Variants in TRDN observed in about 807,000 individuals in gnomAD.
TRDN encodes the protein triadin in skeletal muscle.
A neutral mutation model predicts 149.7 loss-of-function variants in TRDN; 161 were observed. The observed-to-expected ratio is 1.08, with a 90% CI of 0.95 to 1.23. TRDN has a LOEUF of 1.23. TRDN is among the 50% of genes most tolerant of loss of function. TRDN has a pLI of 0.00. For missense variants in TRDN, 896 were observed against 823.5 expected, an observed-to-expected ratio of 1.09 and a Z score of -1.08; for synonymous variants, 294 against 250.5, an observed-to-expected ratio of 1.17 and a Z score of -1.64.
At chr6:123,520,737 G>T (rs1315036683) in intron 5 of TRDN, among the ~76,000 whole-genome samples, 1 of 152,040 alleles carries the variant, frequency 6.6e-6, no homozygotes, top group Non-Finnish European at 1.5e-5. Context: ...TTCTCCTGGG[G>T]CTACATAGCC....
intron 9 of TRDN, among the ~76,000 whole-genome samples, chr6:123,480,249 CAAA>C (rs34445508): frequency 1.0e-5 from 1 of 98,414 alleles, no homozygotes. Context: ...ACTCCGTTTC[CAAA>C]AAAAAAAAAA....
intron 19 of TRDN, among the ~76,000 whole-genome samples, chr6:123,368,151 C>T (rs1781185239): frequency 6.6e-6 from 1 of 152,182 alleles, no homozygotes; most frequent in South Asian, 2.1e-4. Flanking sequence ...TTTCCATCCT[C>T]CACATACCAA....
At position 123,286,634 on chromosome 6, in the gene TRDN, C is replaced by A. The variant is rs191117629; in HGVS notation, c.1511-7552G>T. On this transcript the variant is annotated intron_variant, in intron 24 of 40. Coordinates refer to ENST00000334268, the MANE Select transcript of TRDN (RefSeq NM_006073.4). ...TCACAAATCACAACTGAAGAACTTA[C>A]TCATGTAACCAAATACCACCCGTTC... 5.8e-4 allele frequency among the ~76,000 whole-genome samples: 88 copies of A among 152,042 alleles called. 1 individual carries two copies. Among genetic ancestry groups the A allele is most frequent in the African/African-American group, 2.1e-3 (86 of 41,492 alleles).
chr6:123,575,929 C>T (rs1413678245), intron 1 of TRDN, among the ~76,000 whole-genome samples: 2 of 152,136 alleles, frequency 1.3e-5, no homozygotes, highest in Non-Finnish European at 2.9e-5. Context: ...AAGACACCTA[C>T]ATTCTAGAAT....
intron 18 of TRDN, 31 bp from the exon 19 acceptor site, chr6:123,375,662 A>C: frequency 6.7e-7 from 1 of 1,486,780 alleles, no homozygotes; most frequent in Non-Finnish European, 9.1e-7. Context: ...TAAGGTCAAC[A>C]GTAATTACAA....
intron 1 of TRDN, among the ~76,000 whole-genome samples, chr6:123,625,020 C>T (rs1333768411): frequency 6.6e-6 from 1 of 151,566 alleles, no homozygotes; most frequent in African/African-American, 2.4e-5. Context: ...CCAGTCATCC[C>T]AGGGCTACAT....
intron 10 of TRDN, among the ~76,000 whole-genome samples, chr6:123,444,093 C>T (rs1165188644): frequency 2.7e-5 from 4 of 147,548 alleles, no homozygotes; most frequent in African/African-American, 1.1e-4. Context: ...GGCATTGAAT[C>T]TGTAAATTAC....
intron 1 of TRDN, among the ~76,000 whole-genome samples, chr6:123,599,666 C>T (rs1469604671): frequency 6.6e-6 from 1 of 151,794 alleles, no homozygotes; most frequent in African/African-American, 2.4e-5. Context: ...AAATGTATTT[C>T]CCCATTTTGA....
intron 9 of TRDN, among the ~76,000 whole-genome samples, chr6:123,490,499 G>A (rs960745987): frequency 1.3e-5 from 2 of 152,142 alleles, no homozygotes; most frequent in East Asian, 3.9e-4. Context: ...TCAGACTGTG[G>A]TTGACTGTGG....
intron 10 of TRDN, chr6:123,441,999 A>G (rs939240116): frequency 3.6e-4 from 55 of 152,204 alleles, no homozygotes; most frequent in African/African-American, 1.3e-3. Flanking sequence ...TTGTTTTCTT[A>G]GAGTGGCAGA....
intron 24 of TRDN, among the ~76,000 whole-genome samples, chr6:123,306,764 G>C (rs1201991333): frequency 1.3e-5 from 2 of 151,944 alleles, no homozygotes; most frequent in African/African-American, 4.8e-5. Context: ...AGACCACCCA[G>C]TCTGCAGGTA....
chr6:123,450,430 TA>T (rs1775700742), intron 10 of TRDN, among the ~76,000 whole-genome samples: 1 of 151,988 alleles, frequency 6.6e-6, no homozygotes, highest in African/African-American at 2.4e-5. Flanking sequence ...CAAGCAGAGG[TA>T]GCTATTCTTA....
At position 123,571,490 on chromosome 6, in the gene TRDN, TTTTGTTTG is replaced by T. The variant is rs71767467; in HGVS notation, c.23-366_23-359del. On this transcript the variant is annotated intron_variant, in intron 1 of 40. Transcript: ENST00000334268. ...AGGTCATCTAATGAGGTCATTCATG[TTTTGTTTG>T]TTTGTTTGTTTGTTTGTTTGTTTGT... Among the ~76,000 whole-genome samples, 93 of 151,382 alleles carry T rather than the reference TTTTGTTTG, an allele frequency of 6.1e-4. No homozygotes were observed. In the East Asian group the frequency reaches 6.4e-3, roughly 10 times the overall value.
At chr6:123,233,265 G>A (rs1775674585) in intron 38 of TRDN, among the ~76,000 whole-genome samples, 1 of 152,078 alleles carries the variant, frequency 6.6e-6, no homozygotes, top group African/African-American at 2.4e-5. Context: ...TCTCAGGTGT[G>A]AGAAGCTCCT....
In TRDN at chr6:123,391,984, C is replaced by T. The variant is rs138857475; in HGVS notation, c.1105+1640G>A. Among the ~76,000 whole-genome samples, 12 of 152,154 alleles carry T rather than the reference C, an allele frequency of 7.9e-5. No homozygotes were observed. The East Asian group carries it at 1.5e-3, about 20-fold the overall frequency. ...AAGATCTATGGAGGATTTGCAAAGA[C>T]GCGAATGATATGCAGTTCTGCTTTG... On this transcript the variant is annotated intron_variant, in intron 13 of 40. Coordinates refer to ENST00000334268, the MANE Select transcript of TRDN (RefSeq NM_006073.4).
intron 19 of TRDN, among the ~76,000 whole-genome samples, chr6:123,372,713 T>C (rs1328379283): frequency 2.0e-5 from 3 of 152,178 alleles, no homozygotes; most frequent in South Asian, 2.1e-4. Flanking sequence ...ACTATATTTC[T>C]TCTTGAAGAT....
intron 1 of TRDN, among the ~76,000 whole-genome samples, chr6:123,580,510 T>C (rs1226124235): frequency 6.6e-6 from 1 of 152,226 alleles, no homozygotes; most frequent in Non-Finnish European, 1.5e-5. Context: ...TTCTCTGCAA[T>C]GGCTAGACAG....
At chr6:123,416,704 T>G (rs1172828549) in intron 12 of TRDN, among the ~76,000 whole-genome samples, 2 of 151,594 alleles carry the variant, frequency 1.3e-5, no homozygotes, top group Non-Finnish European at 2.9e-5. Flanking sequence ...TCCTCTTTTT[T>G]TCTTTTTTTT....
chr6:123,454,018 A>G (rs1408440965), intron 10 of TRDN, among the ~76,000 whole-genome samples: 1 of 152,124 alleles, frequency 6.6e-6, no homozygotes, highest in African/African-American at 2.4e-5. Context: ...TTCTAAGTGA[A>G]GTAACTCAGG....
Sources: allele counts gnomAD v4.1 joint callset (sites outside exome capture counted in the v4.1 genomes callset), GRCh38; gene constraint gnomAD v4.1.1; transcripts MANE v1.5; gene names NCBI Gene and HGNC (gene_info 2026-07-23, HGNC 2026-07-21).